The following PDK1 variants were observed in gnomAD, a reference collection of about 807,000 sequenced individuals.
PDK1 encodes [Pyruvate dehydrogenase (acetyl-transferring)] kinase isozyme 1, mitochondrial.
PDK1 carries 39 observed loss-of-function variants against 54.2 expected under a neutral mutation model. The observed-to-expected ratio is 0.72, with a 90% CI of 0.56 to 0.94. The LOEUF (loss-of-function observed/expected upper bound fraction) is 0.94. PDK1 is among the 40% of genes least tolerant of loss of function. The pLI is 0.00. For missense variants in PDK1, 552 were observed against 566.0 expected (o/e 0.98, Z 0.25); for synonymous variants, 221 against 207.1 (o/e 1.07, Z -0.58).
the PDK1 span, among the ~76,000 whole-genome samples, chr2:172,720,987 A>G: frequency 6.6e-6 from 1 of 152,160 alleles, no homozygotes; most frequent in Admixed American, 6.5e-5. Context: ...CGATCTTGTA[A>G]GTGTGAACTG....
chr2:172,720,886 C>A, the PDK1 span, among the ~76,000 whole-genome samples: 8 of 152,146 alleles, frequency 5.3e-5, no homozygotes, highest in Non-Finnish European at 1.2e-4. Context: ...GCACTCCCCT[C>A]CTCCAGGCCT....
In PDK1 at chr2:172,599,815, G is replaced by A. The variant is rs905291277; in HGVS notation, c.*3846G>A. On this transcript the variant is annotated 3_prime_UTR_variant, in exon 11 of 11. Transcript: ENST00000282077. ...GTTTTTAATAGCAAAAGACAAGATT[G>A]TCAGTTTTTGGTGCAAAACTCTACT... The A allele has an allele frequency of 3.2e-4, 49 of 152,226 alleles. No homozygotes were observed. The highest frequency in any genetic ancestry group is 1.1e-3 in the African/African-American group (47 of 41,542). 9.4% of individuals were successfully genotyped at this position (152,226 alleles called of 1,614,324 possible).
At chr2:172,674,183 T>G in the PDK1 span, 1 of 152,566 alleles carries the variant, frequency 6.6e-6, no homozygotes, top group African/African-American at 2.4e-5. Context: ...AGGAGCTGTT[T>G]CTTTTGGTGG....
chr2:172,652,406 C>T, the PDK1 span, among the ~76,000 whole-genome samples: 11 of 152,134 alleles, frequency 7.2e-5, no homozygotes, highest in Non-Finnish European at 1.6e-4. Flanking sequence ...TGAAAACTGG[C>T]ACAAGACAGG....
Position 172,601,755 on chromosome 2 carries a change from G to GAT in PDK1, c.*5787_*5788dup, listed in dbSNP as rs1254377975. ...AGCAACCAGCTAGTGGGTGTCCCTT[G>GAT]ATGGAGGCTTTGCAGGCTGCAGCAG... On this transcript the variant is annotated 3_prime_UTR_variant, in exon 11 of 11. Transcript: ENST00000282077. 6.6e-6 allele frequency: 1 copy of GAT among 152,192 alleles called. No homozygotes were observed. Among genetic ancestry groups the GAT allele is most frequent in the Admixed American group, 6.5e-5 (1 of 15,278 alleles). 9.4% of individuals were successfully genotyped at this position (152,192 alleles called of 1,614,324 possible).
At chr2:172,687,776 C>T in the PDK1 span, among the ~76,000 whole-genome samples, 1 of 152,176 alleles carries the variant, frequency 6.6e-6, no homozygotes, top group Non-Finnish European at 1.5e-5. Flanking sequence ...ACATATTCCT[C>T]TCTGCCTGCA....
In PDK1 at chr2:172,565,067, A is replaced by G. The variant is rs1180813378; in HGVS notation, c.685A>G (p.Ile229Val). 1 of 1,557,374 alleles carries G rather than the reference A, an allele frequency of 6.4e-7. No homozygotes were observed. The highest frequency in any genetic ancestry group is 8.9e-7 in the Non-Finnish European group (1 of 1,129,238). The change falls in exon 5 of 11, where the codon ATT becomes GTT. Residue 229 changes from isoleucine (I) to valine (V), a missense_variant. Coordinates refer to ENST00000282077, the MANE Select transcript of PDK1 (RefSeq NM_002610.5). ...INPNCNVLEV[I>V]KDGYENARRL... ...TCCAAACTGCAATGTACTTGAAGTTATTAAAGGTAAATACTGACATTTCTC... is the reference window on the plus strand; with the variant it reads ...TCCAAACTGCAATGTACTTGAAGTTGTTAAAGGTAAATACTGACATTTCTC...
the PDK1 span, among the ~76,000 whole-genome samples, chr2:172,615,900 A>G: frequency 1.3e-5 from 2 of 152,338 alleles, no homozygotes; most frequent in South Asian, 4.1e-4. Context: ...GCTACATGCT[A>G]CATTTATTCA....
chr2:172,578,516 ATACTTTAG>A (rs1490957058), intron 8 of PDK1, among the ~76,000 whole-genome samples: 1 of 151,894 alleles, frequency 6.6e-6, no homozygotes, highest in Non-Finnish European at 1.5e-5. Context: ...AGACATCCTT[ATACTTTAG>A]TTCTTTAGTG....
chr2:172,703,994 G>A, the PDK1 span, among the ~76,000 whole-genome samples: 1,133 of 151,584 alleles, frequency 7.5e-3, 9 homozygotes, highest in Middle Eastern at 0.014. Context: ...GGCTGGTCTC[G>A]AACTCCTGAC....
chr2:172,620,870 GTGAGCCA>G, the PDK1 span, among the ~76,000 whole-genome samples: 61 of 152,258 alleles, frequency 4.0e-4, no homozygotes, highest in Non-Finnish European at 7.5e-4. Flanking sequence ...CTGCAGAACC[GTGAGCCA>G]ATTACATCTC....
At chr2:172,558,616 C>G in intron 1 of PDK1, 92 bp from the exon 2 acceptor site, 1 of 1,158,846 alleles carries the variant, frequency 8.6e-7, no homozygotes, top group East Asian at 2.5e-5. Context: ...TCTGGCCTTG[C>G]CGGATAACTT....
the PDK1 span, among the ~76,000 whole-genome samples, chr2:172,690,527 T>C: frequency 2.7e-5 from 4 of 149,972 alleles, 1 homozygote; most frequent in Non-Finnish European, 5.9e-5. Flanking sequence ...TTATAAATCA[T>C]GCTACTATAA....
the PDK1 span, among the ~76,000 whole-genome samples, chr2:172,667,808 A>G: frequency 6.6e-6 from 1 of 152,210 alleles, no homozygotes; most frequent in African/African-American, 2.4e-5. Flanking sequence ...TGGGTCCTCA[A>G]TAAATAAAGC....
the PDK1 span, among the ~76,000 whole-genome samples, chr2:172,642,289 A>T: frequency 6.6e-6 from 1 of 152,188 alleles, no homozygotes; most frequent in South Asian, 2.1e-4. Context: ...AATGGCTTAC[A>T]CTGTTGAGTT....
intron 10 of PDK1, among the ~76,000 whole-genome samples, chr2:172,594,033 TTTTC>T (rs1184271241): frequency 2.1e-5 from 3 of 145,450 alleles, no homozygotes; most frequent in Non-Finnish European, 3.0e-5. Flanking sequence ...AATGCAATGT[TTTTC>T]TTTTTTTTTT....
At chr2:172,584,667 T>A (rs62169266) in intron 8 of PDK1, among the ~76,000 whole-genome samples, 1,769 of 129,104 alleles carry the variant, frequency 0.014, 13 homozygotes, top group South Asian at 0.024. Flanking sequence ...TTTTTTTTTT[T>A]AAATAGAGGC....
intron 8 of PDK1, 72 bp downstream of exon 8, chr2:172,570,896 A>T (rs2149232203): frequency 2.4e-6 from 2 of 817,154 alleles, no homozygotes. Context: ...AAAGGTAACC[A>T]TACGCATAAT....
chr2:172,684,944 G>A, the PDK1 span, among the ~76,000 whole-genome samples: 1 of 152,072 alleles, frequency 6.6e-6, no homozygotes, highest in East Asian at 1.9e-4. Context: ...GAGGTGATGG[G>A]GCGCTTTCCC....
Sources: gnomAD v4.1 joint callset for allele counts (sites outside exome capture counted in the v4.1 genomes callset) on GRCh38, gnomAD v4.1.1 for gene constraint, MANE v1.5 for transcripts, NCBI Gene and HGNC (gene_info 2026-07-23, HGNC 2026-07-21) for gene names.